ICA1L: variants seen among roughly 807,000 people sequenced by gnomAD.
ICA1L encodes the protein islet cell autoantigen 1-like protein.
ICA1L carries 50 observed loss-of-function variants against 61.3 expected under a neutral mutation model. The ratio of observed to expected loss-of-function variants is 0.82; its 90% CI spans 0.65 to 1.03. The LOEUF (loss-of-function observed/expected upper bound fraction) is 1.03, where lower values mean the gene tolerates loss of function less well. Ranked by LOEUF, ICA1L falls within the 50% of genes least tolerant of loss-of-function variation. The pLI, the probability that ICA1L is intolerant of heterozygous loss-of-function variation, is 0.00. For missense variants in ICA1L, 508 were observed against 556.7 expected (o/e 0.91, Z 0.88); for synonymous variants, 161 against 191.3 (o/e 0.84, Z 1.31).
chr2:202,861,774 A>C (rs937140405), intron 1 of ICA1L, among the ~76,000 whole-genome samples: 3 of 151,660 alleles, frequency 2.0e-5, no homozygotes, highest in African/African-American at 7.3e-5. Context: ...AATCCCAGCT[A>C]CTGGGAAGGC....
chr2:202,774,397 C>T lies in ICA1L; in HGVS notation c.*5136G>A, dbSNP rs1692153370. On this transcript the variant is annotated 3_prime_UTR_variant, in exon 13 of 13. Coordinates refer to ENST00000358299, the MANE Select transcript of ICA1L (RefSeq NM_001288622.3). ...AGCCGGAGACCAGGCCTCACTGCGC[C>T]TCCAACAGCCAGGGTCGAGCCCCTG... is the stretch of plus-strand genomic sequence containing the variant. The T allele has an allele frequency of 2.7e-6, 3 of 1,097,322 alleles. No homozygotes were observed. The highest frequency in any genetic ancestry group is 4.1e-5 in the South Asian group (2 of 49,092). The allele number at this position is 1,097,322 out of a possible 1,614,324, so 68.0% of individuals were successfully genotyped here. A position where few individuals can be genotyped will look rare whatever the true frequency, so the allele number is the denominator to read the frequency against.
intron 6 of ICA1L, 102 bp downstream of exon 6, chr2:202,817,316 A>C: frequency 9.2e-7 from 1 of 1,087,028 alleles, no homozygotes; most frequent in Non-Finnish European, 1.3e-6. Context: ...AGTCAAAGGA[A>C]TCTAATCATA....
chr2:202,866,076 A>T (rs1254822837), intron 1 of ICA1L, among the ~76,000 whole-genome samples: 1 of 152,232 alleles, frequency 6.6e-6, no homozygotes, highest in East Asian at 1.9e-4. Context: ...ACAGAAATAG[A>T]TCCATAAATA....
At chr2:202,822,933 G>A (rs1434284412) in intron 3 of ICA1L, among the ~76,000 whole-genome samples, 3 of 152,198 alleles carry the variant, frequency 2.0e-5, no homozygotes, top group Admixed American at 1.3e-4. Flanking sequence ...ATGGGGTTTG[G>A]GGAGTCATGC....
rs202022262 is a variant in ICA1L, at chr2:202,794,345, CAAAAAAAA to C, written c.985+2537_985+2544del. 1.4e-4 allele frequency among the ~76,000 whole-genome samples: 13 copies of C among 90,912 alleles called. No individual in the cohort carries two copies. In the East Asian group the frequency reaches 4.2e-3, roughly 29 times the overall value. The allele number at this position is 90,912 out of a possible 152,430, so 59.6% of individuals were successfully genotyped here. ...TGCGCGACACAGTGAGACTCCATCTCAAAAAAAAAAAAAAAAAAAATCAACAACCATTC... is the reference window on the plus strand; with the variant it reads ...TGCGCGACACAGTGAGACTCCATCTCAAAAAAAAAAAATCAACAACCATTC... On this transcript the variant is annotated intron_variant, in intron 10 of 12. Coordinates refer to ENST00000358299, the MANE Select transcript of ICA1L (RefSeq NM_001288622.3).
chr2:202,837,409 G>C (rs543410402), intron 1 of ICA1L, among the ~76,000 whole-genome samples: 1 of 151,836 alleles, frequency 6.6e-6, no homozygotes, highest in Non-Finnish European at 1.5e-5. Flanking sequence ...TCAGCCTCCT[G>C]AGTAGCTGGG....
chr2:202,773,549 A>T lies in ICA1L; in HGVS notation c.*5984T>A. 1 of 418,016 alleles carries T rather than the reference A, an allele frequency of 2.4e-6. No individual in the cohort carries two copies. Among genetic ancestry groups the T allele is most frequent in the Non-Finnish European group, 4.3e-6 (1 of 232,966 alleles). The allele number at this position is 418,016 out of a possible 1,614,324, so 25.9% of individuals were successfully genotyped here. A position where few individuals can be genotyped will look rare whatever the true frequency, so the allele number is the denominator to read the frequency against. ...AGAGCCTTCAAAAAACACGGGCAGA[A>T]CAAGAGTACAATAAAAGAAGCGTCT... On this transcript the variant is annotated 3_prime_UTR_variant, in exon 13 of 13. Transcript: ENST00000358299.
At chr2:202,826,748 A>G (rs1693853546) in intron 2 of ICA1L, among the ~76,000 whole-genome samples, 1 of 141,476 alleles carries the variant, frequency 7.1e-6, no homozygotes, top group Non-Finnish European at 1.6e-5. Context: ...GGGATTACAG[A>G]TTTTTTTTTT....
chr2:202,832,073 G>A (rs1475224378), intron 1 of ICA1L, among the ~76,000 whole-genome samples: 1 of 152,210 alleles, frequency 6.6e-6, no homozygotes, highest in Admixed American at 6.5e-5. Context: ...GCCATTGAAA[G>A]AGGAAATAAC....
intron 1 of ICA1L, among the ~76,000 whole-genome samples, chr2:202,839,007 AAG>A (rs968726462): frequency 3.9e-5 from 6 of 152,180 alleles, no homozygotes; most frequent in Non-Finnish European, 7.3e-5. Flanking sequence ...GCTCTGCTCC[AAG>A]ATCCAAACAC....
intron 1 of ICA1L, among the ~76,000 whole-genome samples, chr2:202,856,680 G>A (rs1204087012): frequency 3.3e-5 from 5 of 152,138 alleles, no homozygotes; most frequent in Non-Finnish European, 7.4e-5. Context: ...AGGAAGAGAG[G>A]AAGTCAACTT....
intron 1 of ICA1L, among the ~76,000 whole-genome samples, chr2:202,836,016 T>C (rs1046443200): frequency 2.6e-5 from 4 of 152,226 alleles, no homozygotes; most frequent in Admixed American, 1.3e-4. Flanking sequence ...TATTTCTTTC[T>C]CTTGCCTAAT....
At chr2:202,782,270 G>A (rs905604024) in intron 12 of ICA1L, among the ~76,000 whole-genome samples, 6 of 152,004 alleles carry the variant, frequency 3.9e-5, no homozygotes, top group African/African-American at 1.4e-4. Flanking sequence ...GCTTGAACCC[G>A]GGAGGCGGAG....
At position 202,774,252 on chromosome 2, in the gene ICA1L, C is replaced by CGGCCAAA. The variant is rs1353991274; in HGVS notation, c.*5274_*5280dup. ...GGCTCCTGAGTCTTCTCGCTCCTGT[C>CGGCCAAA]GGCCAAAGGCCGTGACCCCGACGCG... On this transcript the variant is annotated 3_prime_UTR_variant, in exon 13 of 13. Transcript: ENST00000358299. The CGGCCAAA allele has an allele frequency of 4.5e-6, 7 of 1,545,468 alleles. No homozygotes were observed. The Admixed American group carries it at 1.4e-4, about 31-fold the overall frequency.
rs1343595892 is a variant in ICA1L, at chr2:202,776,057, A to C, written c.*3476T>G. ...AAACTTCCTTCGTTCTAATGCTGTA[A>C]GACCTCTACATTTCTAGATGGTCTA... On this transcript the variant is annotated 3_prime_UTR_variant, in exon 13 of 13. Coordinates refer to ENST00000358299, the MANE Select transcript of ICA1L (RefSeq NM_001288622.3). 5 of 152,244 alleles carry C rather than the reference A, an allele frequency of 3.3e-5. No homozygotes were observed. The highest frequency in any genetic ancestry group is 2.6e-4 in the Admixed American group (4 of 15,282). 9.4% of individuals were successfully genotyped at this position (152,244 alleles called of 1,614,324 possible).
chr2:202,785,322 T>C (rs1692546877), intron 12 of ICA1L, among the ~76,000 whole-genome samples: 1 of 152,134 alleles, frequency 6.6e-6, no homozygotes, highest in South Asian at 2.1e-4. Flanking sequence ...AGAAAGCATC[T>C]TGTATCCCTA....
chr2:202,803,348 C>T lies in ICA1L; in HGVS notation c.911-6384G>A, dbSNP rs1010727496. ...CCCAGGAGGCAGAGGTCGTAGTGAGCTGAGTTTGCACCACTGCACTCCAGC... is the reference window on the plus strand; with the variant it reads ...CCCAGGAGGCAGAGGTCGTAGTGAGTTGAGTTTGCACCACTGCACTCCAGC... On this transcript the variant is annotated intron_variant, in intron 9 of 12. Transcript: ENST00000358299. Among the ~76,000 whole-genome samples the T allele has an allele frequency of 8.2e-5, 11 of 134,028 alleles. No homozygotes were observed. In the Admixed American group the frequency reaches 8.7e-4, roughly 11 times the overall value. 87.9% of individuals were successfully genotyped at this position (134,028 alleles called of 152,430 possible). A position where few individuals can be genotyped will look rare whatever the true frequency, so the allele number is the denominator to read the frequency against.
intron 9 of ICA1L, among the ~76,000 whole-genome samples, chr2:202,797,813 T>C (rs1304469243): frequency 2.0e-5 from 3 of 152,218 alleles, no homozygotes; most frequent in Non-Finnish European, 2.9e-5. Context: ...TGATCCACCA[T>C]GCCCAGCCTC....
At position 202,789,149 on chromosome 2, in the gene ICA1L, T is replaced by C. The variant is rs567586520; in HGVS notation, c.986-62A>G. 1.3e-5 allele frequency: 17 copies of C among 1,318,660 alleles called. No individual in the cohort carries two copies. In the South Asian group the frequency reaches 1.3e-4, roughly 10 times the overall value. 81.7% of individuals were successfully genotyped at this position (1,318,660 alleles called of 1,614,324 possible). The stretch of plus-strand genomic sequence containing the variant: ...ATTTTAGGAAATGAGAGTAAGACCA[T>C]AGGATGAATCAAATTTGTTTCATTG... On this transcript the variant is annotated intron_variant, in intron 10 of 12. Coordinates refer to ENST00000358299, the MANE Select transcript of ICA1L (RefSeq NM_001288622.3).
Sources: gnomAD v4.1 joint callset for allele counts (sites outside exome capture counted in the v4.1 genomes callset) on GRCh38, gnomAD v4.1.1 for gene constraint, MANE v1.5 for transcripts, NCBI Gene and HGNC (gene_info 2026-07-23, HGNC 2026-07-21) for gene names.